The following TBC1D26 variants were observed in gnomAD, a reference collection of about 807,000 sequenced individuals.
The protein encoded by TBC1D26 is TBC1 domain family, member 26.
TBC1D26 carries 19 observed loss-of-function variants against 42.5 expected under a neutral mutation model. The observed-to-expected ratio is 0.45, with a 90% CI of 0.31 to 0.66. The LOEUF (loss-of-function observed/expected upper bound fraction) is 0.66, where lower values mean the gene tolerates loss of function less well. Among genes scored for constraint, TBC1D26 ranks in the 30% least tolerant of loss-of-function variants. The pLI, the probability that TBC1D26 is intolerant of heterozygous loss-of-function variation, is 0.06. For missense variants in TBC1D26, 228 were observed against 332.6 expected, an observed-to-expected ratio of 0.69 and a Z score of 2.45; for synonymous variants, 97 against 123.5, an observed-to-expected ratio of 0.79 and a Z score of 1.42.
At position 15,738,072 on chromosome 17, in the gene TBC1D26, A is replaced by G. The variant is rs749900658; in HGVS notation, c.274A>G (p.Lys92Glu). 1.9e-6 allele frequency: 3 copies of G among 1,614,088 alleles called. No individual in the cohort carries two copies. The South Asian group carries it at 3.3e-5, about 18-fold the overall frequency. The change falls in exon 6 of 15, where the codon AAG (lysine) becomes GAG (glutamate). Residue 92 changes from lysine to glutamate, a missense_variant. Lys to Glu is a moderately conservative substitution (Grantham distance 56). Coordinates refer to ENST00000437605, the MANE Select transcript of TBC1D26 (RefSeq NM_001388465.1). ...LADWTKYRST[K>E]KLSQRVYKVI... ...AGACTGGACAAAATATAGGAGCACC[A>G]AGAAGGTAACATGGGGAGGAAGTGG...
intron 4 of TBC1D26, among the ~76,000 whole-genome samples, chr17:15,736,901 T>C (rs1378913510): frequency 1.3e-5 from 2 of 152,216 alleles, no homozygotes; most frequent in African/African-American, 2.4e-5. Context: ...TCATAGTGTC[T>C]GGGCTGGGCA....
intron 2 of TBC1D26, 36 bp downstream of exon 2, chr17:15,735,106 G>T (rs1285471923): frequency 8.6e-6 from 5 of 583,092 alleles, no homozygotes; most frequent in Non-Finnish European, 1.5e-5. Context: ...GGGACAATAG[G>T]CCTCTCTGTC....
chr17:15,738,585 T>C (rs3865268), intron 7 of TBC1D26, 136 bp from the exon 8 acceptor site: 296 of 1,477,612 alleles, frequency 2.0e-4, no homozygotes, highest in Non-Finnish European at 2.0e-4. Flanking sequence ...AGAAACAAGG[T>C]AAAAAGGAGC....
At chr17:15,741,639 C>A in intron 10 of TBC1D26, 1 of 495,652 alleles carries the variant, frequency 2.0e-6, no homozygotes, top group Non-Finnish European at 3.6e-6. Flanking sequence ...GTCCCCCAGC[C>A]TGACCCCCAC....
intron 4 of TBC1D26, among the ~76,000 whole-genome samples, chr17:15,737,245 C>A (rs2151499005): frequency 6.6e-6 from 1 of 152,356 alleles, no homozygotes; most frequent in South Asian, 2.1e-4. Flanking sequence ...CAAGGCACCC[C>A]ACGGGCTTCA....
intron 9 of TBC1D26, chr17:15,740,836 C>T (rs1967757053): frequency 1.6e-6 from 1 of 627,292 alleles, no homozygotes; most frequent in African/African-American, 1.9e-5. Flanking sequence ...CAGCCTGGCC[C>T]AGGGGAGGGA....
intron 1 of TBC1D26, among the ~76,000 whole-genome samples, chr17:15,733,385 C>T (rs968287585): frequency 5.9e-5 from 9 of 152,128 alleles, no homozygotes; most frequent in Non-Finnish European, 1.2e-4. Context: ...TGTGTGGAAT[C>T]CGACCTTGCC....
At chr17:15,736,976 C>A (rs1401874256) in intron 4 of TBC1D26, among the ~76,000 whole-genome samples, 2 of 152,088 alleles carry the variant, frequency 1.3e-5, no homozygotes, top group Non-Finnish European at 2.9e-5. Context: ...CAGGTGCACG[C>A]TGGGAGGTCA....
chr17:15,740,945 C>T (rs1967759295), intron 9 of TBC1D26, 177 bp from the exon 10 acceptor site: 1 of 795,490 alleles, frequency 1.3e-6, no homozygotes, highest in Non-Finnish European at 2.0e-6. Context: ...TTGTGCGTGA[C>T]CTGCTCAGTC....
At chr17:15,739,987 G>A (rs1428766650) in intron 8 of TBC1D26, 113 bp from the exon 9 acceptor site, 3 of 1,326,552 alleles carry the variant, frequency 2.3e-6, no homozygotes, top group African/African-American at 2.9e-5. Context: ...CTGCTTATTT[G>A]GGGGGATCAT....
At position 15,737,985 on chromosome 17, in the gene TBC1D26, C is replaced by T. The variant is rs202194905; in HGVS notation, c.199-12C>T. 5.3e-5 allele frequency: 86 copies of T among 1,613,934 alleles called. No individual in the cohort carries two copies. Among genetic ancestry groups the T allele is most frequent in the Non-Finnish European group, 6.2e-5 (73 of 1,179,930 alleles). On this transcript the variant is annotated splice_polypyrimidine_tract_variant and intron_variant, in intron 5 of 14. Coordinates refer to ENST00000437605, the MANE Select transcript of TBC1D26 (RefSeq NM_001388465.1). The stretch of plus-strand genomic sequence containing the variant: ...GGCAGCTCCGCTAACTCCATCATGG[C>T]TCATTTGACAGCAAAGACGCAAGGA...
chr17:15,740,360 G>A (rs1351187606), intron 9 of TBC1D26: 3 of 1,486,904 alleles, frequency 2.0e-6, no homozygotes, highest in South Asian at 1.4e-5. Context: ...ATGAAGAAAC[G>A]ACCTTCCCCT....
intron 4 of TBC1D26, among the ~76,000 whole-genome samples, chr17:15,736,813 G>T (rs1478128819): frequency 2.0e-4 from 31 of 152,410 alleles, no homozygotes; most frequent in African/African-American, 7.2e-4. Context: ...GCGTGGGTGT[G>T]GACGGATCTG....
At chr17:15,732,597 G>A (rs1440074083) in intron 1 of TBC1D26, among the ~76,000 whole-genome samples, 1 of 151,290 alleles carries the variant, frequency 6.6e-6, no homozygotes, top group East Asian at 2.0e-4. Context: ...GAGAGGAGGT[G>A]ACTGGCCAAG....
At chr17:15,735,150 G>A in intron 2 of TBC1D26, 80 bp downstream of exon 2, 1 of 638,032 alleles carries the variant, frequency 1.6e-6, no homozygotes, top group Non-Finnish European at 2.7e-6. Flanking sequence ...TCAGGAAGGA[G>A]CCCACCACTG....
chr17:15,739,542 T>A (rs1204771872), intron 8 of TBC1D26, among the ~76,000 whole-genome samples: 1 of 152,222 alleles, frequency 6.6e-6, no homozygotes, highest in Non-Finnish European at 1.5e-5. Flanking sequence ...GGAACATGGG[T>A]GGATCTTAGA....
chr17:15,735,212 G>A (rs1597753047), intron 2 of TBC1D26, 136 bp from the exon 3 acceptor site: 2 of 1,037,256 alleles, frequency 1.9e-6, no homozygotes, highest in Non-Finnish European at 2.9e-6. Context: ...CACTGAGTCT[G>A]GCCCCTGTCA....
At position 15,732,596 on chromosome 17, in the gene TBC1D26, T is replaced by C. The variant is rs1331272419; in HGVS notation, c.-143+212T>C. ...GAGATGTCTAGGGTCAGAGAGGAGG[T>C]GACTGGCCAAGAGACCCAGATGTGA... On this transcript the variant is annotated intron_variant, in intron 1 of 14. Coordinates refer to ENST00000437605, the MANE Select transcript of TBC1D26 (RefSeq NM_001388465.1). Among the ~76,000 whole-genome samples, 8 of 150,406 alleles carry C rather than the reference T, an allele frequency of 5.3e-5. No individual in the cohort carries two copies. In the East Asian group the frequency reaches 1.6e-3, roughly 30 times the overall value.
rs774532160 is a variant in TBC1D26, at chr17:15,738,826, G to A, written c.493G>A (p.Val165Ile). 8.7e-6 allele frequency: 14 copies of A among 1,613,224 alleles called. No homozygotes were observed. The highest frequency in any genetic ancestry group is 1.0e-5 in the Non-Finnish European group (12 of 1,179,858). ...CATGATGTTCATACAAAGATTCGGA[G>A]TCAAGTAAGGCCAATGGGGCTTGCA... ...KHMMFIQRFG[V>I]KQQELCDILV... is the part of the protein sequence containing the mutation. The change falls in exon 8 of 15, where the codon GTC becomes ATC. Residue 165 changes from valine (V) to isoleucine (I), a missense_variant. Coordinates refer to ENST00000437605, the MANE Select transcript of TBC1D26 (RefSeq NM_001388465.1).
Sources: allele counts gnomAD v4.1 joint callset (sites outside exome capture counted in the v4.1 genomes callset), GRCh38; gene constraint gnomAD v4.1.1; transcripts MANE v1.5; gene names NCBI Gene and HGNC (gene_info 2026-07-23, HGNC 2026-07-21).